The following ARMH3 variants were observed in gnomAD, a reference collection of about 807,000 sequenced individuals.
ARMH3 encodes the protein armadillo like helical domain containing 3.
Under a neutral mutation model 99.1 loss-of-function variants are expected in ARMH3, and 60 were observed. That is an observed-to-expected ratio of 0.61 (90% CI 0.49 to 0.75). ARMH3 has a LOEUF of 0.75. Among genes scored for constraint, ARMH3 ranks in the 30% least tolerant of loss-of-function variants. The pLI, the probability that ARMH3 is intolerant of heterozygous loss-of-function variation, is 0.00. For missense variants in ARMH3, 679 were observed against 843.1 expected (o/e 0.81, Z 2.41); for synonymous variants, 285 against 292.8 (o/e 0.97, Z 0.27).
At chr10:101,891,433 G>A (rs889566579) in intron 23 of ARMH3, among the ~76,000 whole-genome samples, 1 of 152,152 alleles carries the variant, frequency 6.6e-6, no homozygotes, top group African/African-American at 2.4e-5. Context: ...GACCTTTCAG[G>A]TGATCCACTC....
intron 2 of ARMH3, among the ~76,000 whole-genome samples, chr10:102,035,491 T>C (rs551667814): frequency 1.3e-3 from 191 of 152,362 alleles, no homozygotes; most frequent in Non-Finnish European, 2.2e-3. Context: ...CTCGGCTCAC[T>C]GCAACCTCCC....
chr10:101,873,794 G>A (rs2067193963), intron 24 of ARMH3, among the ~76,000 whole-genome samples: 1 of 152,140 alleles, frequency 6.6e-6, no homozygotes, highest in Admixed American at 6.5e-5. Context: ...AGTGATCCAT[G>A]TTGTAACATG....
rs146955048 is a variant in ARMH3 at position 101,944,671 on chromosome 10, A to G, written c.1706-4733T>C. 9.4e-3 allele frequency among the ~76,000 whole-genome samples: 1,430 copies of G among 152,034 alleles called. 19 individuals carry two copies. Among genetic ancestry groups the G allele is most frequent in the African/African-American group, 0.033 (1,356 of 41,464 alleles). ...TCTACTAAAAATACAAAAATTAGCC[A>G]ACCATGGTGGTGCACACCTGTAATC... On this transcript the variant is annotated intron_variant, in intron 22 of 25. Transcript: ENST00000370033.
chr10:101,984,504 C>T (rs981826579), intron 19 of ARMH3, among the ~76,000 whole-genome samples: 4 of 152,080 alleles, frequency 2.6e-5, no homozygotes, highest in African/African-American at 4.8e-5. Context: ...CAGCACCTCT[C>T]GTATGGCCTG....
intron 20 of ARMH3, among the ~76,000 whole-genome samples, chr10:101,972,020 A>C (rs1400465155): frequency 3.3e-5 from 5 of 152,214 alleles, no homozygotes; most frequent in African/African-American, 1.2e-4. Flanking sequence ...ATATATTTTC[A>C]TACATACTCA....
intron 24 of ARMH3, among the ~76,000 whole-genome samples, chr10:101,863,773 A>G (rs994594694): frequency 6.6e-6 from 1 of 151,948 alleles, no homozygotes; most frequent in African/African-American, 2.4e-5. Flanking sequence ...AAAATAAAAT[A>G]AAATTAAGGC....
intron 23 of ARMH3, among the ~76,000 whole-genome samples, chr10:101,908,279 C>A (rs1304517440): frequency 6.6e-6 from 1 of 152,156 alleles, no homozygotes; most frequent in Non-Finnish European, 1.5e-5. Context: ...AATACATCAT[C>A]AATCTAGTTG....
chr10:101,976,005 A>T (rs1197729715), intron 19 of ARMH3, among the ~76,000 whole-genome samples: 1 of 149,036 alleles, frequency 6.7e-6, no homozygotes, highest in African/African-American at 2.4e-5. Flanking sequence ...ATATACAAAA[A>T]ATTAGCGGGG....
intron 24 of ARMH3, among the ~76,000 whole-genome samples, chr10:101,856,418 G>A (rs1427432644): frequency 6.6e-6 from 1 of 152,042 alleles, no homozygotes; most frequent in East Asian, 1.9e-4. Context: ...CTTCAGGCTC[G>A]GGGCGGGGTG....
chr10:101,981,444 T>A (rs1280633084), intron 19 of ARMH3, among the ~76,000 whole-genome samples: 1 of 151,452 alleles, frequency 6.6e-6, no homozygotes, highest in Non-Finnish European at 1.5e-5. Flanking sequence ...GCCAACATAG[T>A]GATAGCCCGT....
chr10:101,900,450 A>T (rs1054072867), intron 23 of ARMH3, among the ~76,000 whole-genome samples: 14 of 152,308 alleles, frequency 9.2e-5, no homozygotes, highest in South Asian at 4.1e-4. Flanking sequence ...AGCACTGGAG[A>T]TAAGCTCAAA....
intron 22 of ARMH3, among the ~76,000 whole-genome samples, chr10:101,953,381 C>G (rs1477139057): frequency 6.6e-6 from 1 of 152,080 alleles, no homozygotes; most frequent in Non-Finnish European, 1.5e-5. Context: ...CTACTTTGGC[C>G]ACCCAAAGTG....
In ARMH3 at chr10:101,847,532, G is replaced by A. The variant is rs1387345296; in HGVS notation, c.2066C>T (p.Ser689Phe). ...GCTGCTCAGGTAGGCGTGGCCTCAG[G>A]AGATAGTGGAGAACTCCTTGAGCAG... ...EVLLKEFSTI[S>F] Residue 689 changes from serine (S) to phenylalanine (F), a missense_variant, in exon 26 of 26, where the codon TCC becomes TTC. This residue lies in a region of ARMH3 where 389 missense variants were observed against 456.5 expected (regional missense o/e 0.85). Coordinates refer to ENST00000370033, the MANE Select transcript of ARMH3 (RefSeq NM_024541.3). The A allele has an allele frequency of 3.7e-6, 6 of 1,614,060 alleles. No homozygotes were observed. The highest frequency in any genetic ancestry group is 5.1e-6 in the Non-Finnish European group (6 of 1,179,906).
At chr10:102,034,815 G>A (rs1044967505) in intron 2 of ARMH3, among the ~76,000 whole-genome samples, 2 of 152,116 alleles carry the variant, frequency 1.3e-5, no homozygotes, top group African/African-American at 4.8e-5. Context: ...GGCTGAGGCA[G>A]GAGAATCGCT....
chr10:101,864,887 T>TAA (rs34859226), intron 24 of ARMH3, among the ~76,000 whole-genome samples: 72 of 151,332 alleles, frequency 4.8e-4, no homozygotes, highest in Non-Finnish European at 9.9e-4. Context: ...AACTTAAATT[T>TAA]AAAAAAATCA....
At chr10:101,861,104 T>C (rs1225597827) in intron 24 of ARMH3, among the ~76,000 whole-genome samples, 1 of 152,154 alleles carries the variant, frequency 6.6e-6, no homozygotes, top group Non-Finnish European at 1.5e-5. Flanking sequence ...AGAGCTATTA[T>C]TTTAAAGACC....
chr10:101,955,082 G>A (rs546252644), intron 22 of ARMH3, among the ~76,000 whole-genome samples: 3 of 152,242 alleles, frequency 2.0e-5, no homozygotes, highest in South Asian at 4.1e-4. Context: ...ACATTCTCAG[G>A]AAGTTGGTGA....
intron 15 of ARMH3, among the ~76,000 whole-genome samples, chr10:101,998,231 C>T (rs902022635): frequency 6.6e-6 from 1 of 152,194 alleles, no homozygotes; most frequent in Non-Finnish European, 1.5e-5. Flanking sequence ...CACATCCATG[C>T]AGTGTCTCTA....
chr10:101,956,400 C>A (rs1189065561), intron 22 of ARMH3, among the ~76,000 whole-genome samples, 197 bp downstream of exon 22: 1 of 152,176 alleles, frequency 6.6e-6, no homozygotes, highest in Admixed American at 6.5e-5. Flanking sequence ...CAGCTTTACA[C>A]TGAGATGAAA....
Sources: gnomAD v4.1 joint callset for allele counts (sites outside exome capture counted in the v4.1 genomes callset) on GRCh38, gnomAD v4.1.1 for gene constraint, gnomAD v4.1.1 regional missense constraint, MANE v1.5 for transcripts, NCBI Gene and HGNC (gene_info 2026-07-23, HGNC 2026-07-21) for gene names.